THRB: variants seen among roughly 807,000 people sequenced by gnomAD.
THRB encodes thyroid hormone receptor beta.
THRB carries 12 observed loss-of-function variants against 47.8 expected under a neutral mutation model. That is an observed-to-expected ratio of 0.25 (90% CI 0.16 to 0.41). THRB has a LOEUF of 0.41. THRB is among the 10% of genes least tolerant of loss of function. The pLI, the probability that THRB is intolerant of heterozygous loss-of-function variation, is 1.00. For synonymous variants in THRB, 218 were observed against 212.2 expected (o/e 1.03, Z -0.24); for missense variants, 348 against 589.2 (o/e 0.59, Z 4.24).
chr3:24,319,161 T>C (rs1222952606), intron 2 of THRB, among the ~76,000 whole-genome samples: 2 of 152,236 alleles, frequency 1.3e-5, no homozygotes, highest in East Asian at 3.8e-4. Context: ...TTGGGGGCAC[T>C]GTAAATTTCT....
At chr3:24,486,695 T>C (rs1697353244) in intron 1 of THRB, 1 of 152,196 alleles carries the variant, frequency 6.6e-6, no homozygotes, top group Admixed American at 6.5e-5. Flanking sequence ...GCTTTTCAAA[T>C]CCCTTATAAC....
chr3:24,203,859 A>G (rs2044918593), intron 4 of THRB, among the ~76,000 whole-genome samples: 1 of 152,222 alleles, frequency 6.6e-6, no homozygotes, highest in Non-Finnish European at 1.5e-5. Context: ...AGGAGATTAT[A>G]TCCCACGCCT....
chr3:24,152,247 A>G, intron 6 of THRB, 143 bp downstream of exon 6: 1 of 598,090 alleles, frequency 1.7e-6, no homozygotes, highest in Non-Finnish European at 3.1e-6. Context: ...GAAGAGCACA[A>G]CCAGACACCT....
chr3:24,284,850 A>C (rs1175984953), intron 3 of THRB, among the ~76,000 whole-genome samples: 2 of 152,200 alleles, frequency 1.3e-5, no homozygotes, highest in Admixed American at 6.5e-5. Flanking sequence ...ATCACTGGCC[A>C]TCAGAGAAAT....
Position 24,190,335 on chromosome 3 carries a change from C to G in THRB, c.23-1G>C. On this transcript the variant is annotated splice_acceptor_variant, in intron 4 of 10. Transcript: ENST00000646209. LOFTEE classifies it high-confidence loss of function. ...TTGTCCCAGGCTGTAAGGCCATTTT[C>G]TAAAGGGTTGAAAAACACGAGATGA... 6.2e-7 allele frequency: 1 copy of G among 1,614,066 alleles called. No individual in the cohort carries two copies. The highest frequency in any genetic ancestry group is 8.5e-7 in the Non-Finnish European group (1 of 1,179,942).
chr3:24,260,488 T>A (rs943191227), intron 3 of THRB, among the ~76,000 whole-genome samples: 3 of 152,238 alleles, frequency 2.0e-5, no homozygotes, highest in African/African-American at 7.2e-5. Flanking sequence ...AGCTCCTGTT[T>A]ATGAGACAGT....
intron 2 of THRB, among the ~76,000 whole-genome samples, chr3:24,326,357 TC>T (rs1169664833): frequency 6.6e-6 from 1 of 152,188 alleles, no homozygotes; most frequent in Non-Finnish European, 1.5e-5. Flanking sequence ...TGCCTCAGCC[TC>T]CCAAGTAGCT....
intron 6 of THRB, among the ~76,000 whole-genome samples, chr3:24,148,236 C>T (rs952438401): frequency 6.6e-6 from 1 of 152,220 alleles, no homozygotes; most frequent in Non-Finnish European, 1.5e-5. Context: ...AAGTGATTCT[C>T]ATATCTTAGC....
chr3:24,417,096 ACACAC>A (rs1560136491), intron 1 of THRB, among the ~76,000 whole-genome samples: 6 of 2,946 alleles, frequency 2.0e-3, no homozygotes, highest in African/African-American at 3.0e-3. Flanking sequence ...TTTTAAACCA[ACACAC>A]ACACACACAC....
At chr3:24,206,501 AGT>A (rs1284106685) in intron 4 of THRB, among the ~76,000 whole-genome samples, 1 of 152,194 alleles carries the variant, frequency 6.6e-6, no homozygotes, top group Admixed American at 6.5e-5. Flanking sequence ...CATTTAAAGC[AGT>A]GTGTAGAGGG....
At chr3:24,181,535 G>A (rs371743920) in intron 5 of THRB, among the ~76,000 whole-genome samples, 1 of 152,168 alleles carries the variant, frequency 6.6e-6, no homozygotes, top group South Asian at 2.1e-4. Context: ...TGATCATTAC[G>A]TCATTCACAC....
At position 24,260,987 on chromosome 3, in the gene THRB, T is replaced by G. The variant is rs143327777; in HGVS notation, c.-42-31986A>C. Among the ~76,000 whole-genome samples the G allele has an allele frequency of 6.7e-4, 102 of 152,198 alleles. 1 individual carries two copies. In the East Asian group the frequency reaches 0.018, roughly 27 times the overall value. ...GTAGGCCTGGGAAGGGCCTGAAAAT[T>G]AGCATTTCTAATAATTCCCAAGTGA... On this transcript the variant is annotated intron_variant, in intron 3 of 10. Coordinates refer to ENST00000646209, the MANE Select transcript of THRB (RefSeq NM_001354712.2).
At position 24,184,454 on chromosome 3, in the gene THRB, A is replaced by G. The variant is rs539126589; in HGVS notation, c.283+5620T>C. ...CTGCTCTGTGTGCATCTCAACGAAA[A>G]CTGAAGTTAGATGAACCAGGGCCTT... On this transcript the variant is annotated intron_variant, in intron 5 of 10. Coordinates refer to ENST00000646209, the MANE Select transcript of THRB (RefSeq NM_001354712.2). Among the ~76,000 whole-genome samples, 10 of 152,166 alleles carry G rather than the reference A, an allele frequency of 6.6e-5. No homozygotes were observed. The South Asian group carries it at 2.1e-3, about 32-fold the overall frequency.
intron 1 of THRB, among the ~76,000 whole-genome samples, chr3:24,403,267 A>G (rs1332874474): frequency 6.6e-6 from 1 of 152,004 alleles, no homozygotes; most frequent in Non-Finnish European, 1.5e-5. Flanking sequence ...TCATGTACAG[A>G]AAGAATACTC....
chr3:24,474,979 G>A (rs1477139929), intron 1 of THRB, among the ~76,000 whole-genome samples: 2 of 152,208 alleles, frequency 1.3e-5, no homozygotes, highest in Non-Finnish European at 2.9e-5. Context: ...AACATTACGT[G>A]TATCATAAAT....
At chr3:24,422,496 A>T (rs2069359395) in intron 1 of THRB, among the ~76,000 whole-genome samples, 1 of 151,756 alleles carries the variant, frequency 6.6e-6, no homozygotes, top group African/African-American at 2.4e-5. Flanking sequence ...TTTATTTTGG[A>T]TTTCTGATAT....
At chr3:24,423,628 G>T (rs1045053983) in intron 1 of THRB, among the ~76,000 whole-genome samples, 2 of 151,832 alleles carry the variant, frequency 1.3e-5, no homozygotes, top group African/African-American at 4.8e-5. Flanking sequence ...TGCCTTATAT[G>T]TGAAGCAGAC....
intron 1 of THRB, among the ~76,000 whole-genome samples, chr3:24,424,933 G>T (rs1399285929): frequency 6.6e-6 from 1 of 151,686 alleles, no homozygotes; most frequent in African/African-American, 2.4e-5. Flanking sequence ...TTCACACACT[G>T]CATCTTTTAC....
chr3:24,372,853 T>A (rs2065017151), intron 1 of THRB, among the ~76,000 whole-genome samples: 1 of 152,104 alleles, frequency 6.6e-6, no homozygotes, highest in Non-Finnish European at 1.5e-5. Context: ...CAAAGACTTC[T>A]GAAAAATGTG....
Sources: gnomAD v4.1 joint callset for allele counts (sites outside exome capture counted in the v4.1 genomes callset) on GRCh38, gnomAD v4.1.1 for gene constraint, MANE v1.5 for transcripts, NCBI Gene and HGNC (gene_info 2026-07-23, HGNC 2026-07-21) for gene names.